PPP1R3A: variants seen among roughly 807,000 people sequenced by gnomAD.
PPP1R3A encodes RG1.
In PPP1R3A, 29 loss-of-function variants were observed where a neutral mutation model predicts 41.7. That is an observed-to-expected ratio of 0.70 (90% CI 0.52 to 0.95). PPP1R3A has a LOEUF of 0.95. PPP1R3A is among the 40% of genes least tolerant of loss of function. The probability of loss-of-function intolerance (pLI) is 0.00; values close to 1 mark genes in which losing one functional copy is unlikely to be tolerated. For missense variants in PPP1R3A, 1,352 were observed against 1,292.4 expected, an observed-to-expected ratio of 1.05 and a Z score of -0.71; for synonymous variants, 485 against 453.4, an observed-to-expected ratio of 1.07 and a Z score of -0.89.
chr7:113,899,095 C>T (rs1797022203), intron 1 of PPP1R3A, among the ~76,000 whole-genome samples: 2 of 151,678 alleles, frequency 1.3e-5, no homozygotes, highest in South Asian at 4.2e-4. Flanking sequence ...TTTTTGGTTT[C>T]CTGACTCTAC....
chr7:113,896,938 T>C (rs1331493600), intron 1 of PPP1R3A, among the ~76,000 whole-genome samples: 1 of 151,934 alleles, frequency 6.6e-6, no homozygotes, highest in Non-Finnish European at 1.5e-5. Flanking sequence ...GAATCAAACT[T>C]ACATTCCTGC....
chr7:113,879,486 T>C lies in PPP1R3A; in HGVS notation c.1606A>G (p.Thr536Ala). ...VNEKQRKNFQ[T>A]ILHDQERKMG... ...TTCCTTTCTTGGTCATGTAAGATTGTTTGGAAATTTTTTCTTTGTTTTTCA... is the reference window on the plus strand; with the variant it reads ...TTCCTTTCTTGGTCATGTAAGATTGCTTGGAAATTTTTTCTTTGTTTTTCA... Residue 536 changes from threonine to alanine, a missense_variant, in exon 4 of 4, where the codon ACA (threonine) becomes GCA (alanine). Physicochemically the swap from Thr to Ala is moderately conservative, Grantham distance 58 (BLOSUM62 0). Transcript: ENST00000284601. The C allele has an allele frequency of 1.9e-6, 3 of 1,613,344 alleles. No homozygotes were observed. The highest frequency in any genetic ancestry group is 1.3e-5 in the African/African-American group (1 of 74,992).
chr7:113,916,099 A>G (rs145575041), intron 1 of PPP1R3A, among the ~76,000 whole-genome samples: 1 of 152,106 alleles, frequency 6.6e-6, no homozygotes, highest in Non-Finnish European at 1.5e-5. Flanking sequence ...AATTCAGCAC[A>G]AAATGCCTCC....
At chr7:113,900,084 G>A (rs1489088701) in intron 1 of PPP1R3A, among the ~76,000 whole-genome samples, 3 of 151,318 alleles carry the variant, frequency 2.0e-5, no homozygotes, top group African/African-American at 7.3e-5. Flanking sequence ...TAACTTAAAG[G>A]AAGCCTAGAT....
At chr7:113,907,677 T>G (rs759502270) in intron 1 of PPP1R3A, among the ~76,000 whole-genome samples, 5 of 151,778 alleles carry the variant, frequency 3.3e-5, no homozygotes, top group Non-Finnish European at 7.4e-5. Context: ...ATAAAATAAT[T>G]TTTGAACTTT....
At position 113,878,696 on chromosome 7, in the gene PPP1R3A, TTG is replaced by T. The variant is rs750450470; in HGVS notation, c.2394_2395del (p.Asp798GlufsTer2). 6.2e-7 allele frequency: 1 copy of T among 1,613,432 alleles called. No individual in the cohort carries two copies. The highest frequency in any genetic ancestry group is 1.1e-5 in the South Asian group (1 of 91,076). ...TAAACGTGATTCCTTTTCAAAATCATTGTCATAGATTACACCTACTGTATCTC... is the reference window on the plus strand; with the variant it reads ...TAAACGTGATTCCTTTTCAAAATCATTCATAGATTACACCTACTGTATCTC... On this transcript the variant is annotated frameshift_variant, in exon 4 of 4. Coordinates refer to ENST00000284601, the MANE Select transcript of PPP1R3A (RefSeq NM_002711.4). LOFTEE classifies it low-confidence loss of function (END_TRUNC).
chr7:113,917,122 A>G (rs190891217), intron 1 of PPP1R3A, among the ~76,000 whole-genome samples: 79 of 152,198 alleles, frequency 5.2e-4, no homozygotes, highest in Admixed American at 1.2e-3. Context: ...GCTTTGTATT[A>G]AATTCCCCTT....
Position 113,878,797 on chromosome 7 carries a change from G to A in PPP1R3A, c.2295C>T (p.Pro765=). ...LPQETARSDR[P]IEVKETAFDP... ...CAAACGCTGTTTCCTTTACCTCGAT[G>A]GGCCTGTCACTTCGTGCTGTCTCTT... The change falls in exon 4 of 4, where the codon CCC becomes CCT. Residue 765 remains proline, a synonymous_variant. Coordinates refer to ENST00000284601, the MANE Select transcript of PPP1R3A (RefSeq NM_002711.4). 1 of 1,613,502 alleles carries A rather than the reference G, an allele frequency of 6.2e-7. No homozygotes were observed. Among genetic ancestry groups the A allele is most frequent in the Admixed American group, 1.7e-5 (1 of 59,896 alleles).
chr7:113,916,058 A>T (rs1181489573), intron 1 of PPP1R3A, among the ~76,000 whole-genome samples: 1 of 152,078 alleles, frequency 6.6e-6, no homozygotes, highest in East Asian at 1.9e-4. Flanking sequence ...AGTGGTATAT[A>T]AATCAGATGT....
Position 113,918,319 on chromosome 7 carries a change from A to T in PPP1R3A, c.678T>A (p.Asn226Lys). The change falls in exon 1 of 4, where the codon AAT becomes AAA. Residue 226 changes from asparagine (N) to lysine (K), a missense_variant. Asn to Lys is a moderately conservative substitution (Grantham distance 94, BLOSUM62 0). Transcript: ENST00000284601. Reference sequence around the variant, plus strand: ...CTTTCTTTTGACAAATGAATGTATAATTTGTGCCATTATTATTTGACCAAA... The same window carrying T: ...CTTTCTTTTGACAAATGAATGTATATTTTGTGCCATTATTATTTGACCAAA... The part of the protein sequence containing the change: ...GTFWSNNNGT[N>K]YTFICQKKEQ... 1.9e-6 allele frequency: 3 copies of T among 1,613,112 alleles called. No individual in the cohort carries two copies. Among genetic ancestry groups the T allele is most frequent in the Non-Finnish European group, 2.5e-6 (3 of 1,179,380 alleles).
intron 1 of PPP1R3A, among the ~76,000 whole-genome samples, chr7:113,911,607 T>C (rs921251803): frequency 2.0e-5 from 3 of 152,140 alleles, no homozygotes; most frequent in African/African-American, 7.2e-5. Context: ...TTCCAATTTA[T>C]GAACAGGTGA....
intron 1 of PPP1R3A, among the ~76,000 whole-genome samples, chr7:113,902,062 C>T (rs2129118608): frequency 6.6e-6 from 1 of 151,806 alleles, no homozygotes; most frequent in South Asian, 2.1e-4. Context: ...TGTTTTCTTC[C>T]TTATCTTTTT....
intron 1 of PPP1R3A, among the ~76,000 whole-genome samples, chr7:113,918,001 G>A (rs1797368910): frequency 6.6e-6 from 1 of 152,010 alleles, no homozygotes; most frequent in Non-Finnish European, 1.5e-5. Context: ...CCAACCTATT[G>A]CATTACAGCC....
intron 1 of PPP1R3A, among the ~76,000 whole-genome samples, chr7:113,895,343 A>G (rs1796960047): frequency 6.6e-6 from 1 of 151,994 alleles, no homozygotes; most frequent in African/African-American, 2.4e-5. Context: ...ATTTGTTAAA[A>G]AAAACACCAG....
At chr7:113,890,080 T>TA (rs34390564) in intron 1 of PPP1R3A, among the ~76,000 whole-genome samples, 54,090 of 146,274 alleles carry the variant, frequency 0.37, 12,458 homozygotes, top group Non-Finnish European at 0.54. Context: ...ACTTTATCAG[T>TA]AAAAAAAAAA....
chr7:113,891,479 A>G (rs1796887454), intron 1 of PPP1R3A, among the ~76,000 whole-genome samples: 1 of 152,078 alleles, frequency 6.6e-6, no homozygotes, highest in Admixed American at 6.6e-5. Flanking sequence ...GCAGTCCATG[A>G]TAGCATACTT....
rs1796658299 is a variant in PPP1R3A at position 113,879,893 on chromosome 7, C to A, written c.1199G>T (p.Cys400Phe). ...AGTTTCCTCTGAAGGTTGATGTGTACAGTCATCTCCTGAGGAATATTTTTC... is the reference window on the plus strand; with the variant it reads ...AGTTTCCTCTGAAGGTTGATGTGTAAAGTCATCTCCTGAGGAATATTTTTC... ...CNEKYSSGDD[C>F]THQPSEETTS... The change falls in exon 4 of 4, where the codon TGT becomes TTT. Residue 400 changes from cysteine to phenylalanine, a missense_variant. Physicochemically the swap from Cys to Phe is radical, Grantham distance 205. Transcript: ENST00000284601. 6.2e-7 allele frequency: 1 copy of A among 1,613,402 alleles called. No homozygotes were observed.
At chr7:113,903,283 C>A (rs1372269671) in intron 1 of PPP1R3A, among the ~76,000 whole-genome samples, 3 of 151,572 alleles carry the variant, frequency 2.0e-5, no homozygotes, top group Non-Finnish European at 2.9e-5. Context: ...AGATGAATCA[C>A]CCGTGAAATA....
At chr7:113,915,777 T>A (rs1370616781) in intron 1 of PPP1R3A, among the ~76,000 whole-genome samples, 1 of 151,816 alleles carries the variant, frequency 6.6e-6, no homozygotes, top group East Asian at 1.9e-4. Flanking sequence ...TTTGATCAAA[T>A]AAGTATTAGT....
Sources: allele counts gnomAD v4.1 joint callset (sites outside exome capture counted in the v4.1 genomes callset), GRCh38; gene constraint gnomAD v4.1.1; transcripts MANE v1.5; gene names NCBI Gene and HGNC (gene_info 2026-07-23, HGNC 2026-07-21).